Variants in RPL8 observed in about 807,000 individuals in gnomAD.
RPL8 encodes the protein large ribosomal subunit protein uL2.
For synonymous variants in RPL8, 182 were observed against 143.2 expected (o/e 1.27, Z -1.94); for missense variants, 248 against 365.9 (o/e 0.68, Z 2.63).
intron 3 of RPL8, chr8:144,790,857 AT>A (rs1268601267): frequency 1.9e-6 from 1 of 524,434 alleles, no homozygotes; most frequent in African/African-American, 1.9e-5. Flanking sequence ...GGCTGAGTTC[AT>A]CACAAGGATT....
In RPL8 at chr8:144,789,776, AAC is replaced by A. The variant is rs779578520; in HGVS notation, c.*26_*27del. 12 of 1,613,198 alleles carry A rather than the reference AAC, an allele frequency of 7.4e-6. No homozygotes were observed. In the Admixed American group the frequency reaches 2.0e-4, roughly 27 times the overall value. On this transcript the variant is annotated 3_prime_UTR_variant, in exon 5 of 5. Transcript: ENST00000528957. ...GGGGTGGGCACAGCCAGGTGGCATA[AAC>A]ACAAACTTTATTGAGGCCCTCAGCA...
At chr8:144,790,528 C>T in intron 3 of RPL8, 58 bp from the exon 4 acceptor site, 1 of 1,269,002 alleles carries the variant, frequency 7.9e-7, no homozygotes, top group South Asian at 1.2e-5. Flanking sequence ...CCCCACCTCC[C>T]CTCAATCTCC....
rs1406282097 is a variant in RPL8, at chr8:144,790,525, TC to T, written c.500-56del. 1.7e-5 allele frequency: 22 copies of T among 1,296,242 alleles called. No homozygotes were observed. In the African/African-American group the frequency reaches 2.9e-4, roughly 17 times the overall value. The allele number at this position is 1,296,242 out of a possible 1,614,324, so 80.3% of individuals were successfully genotyped here. A position where few individuals can be genotyped will look rare whatever the true frequency, so the allele number is the denominator to read the frequency against. On this transcript the variant is annotated intron_variant, in intron 3 of 4. Coordinates refer to ENST00000528957, the MANE Select transcript of RPL8 (RefSeq NM_001317782.2). ...CCCAGTCGGTCAGAGCACCCCCACCTCCCCTCAATCTCCTGTCATGCACCTT... is the reference window on the plus strand; with the variant it reads ...CCCAGTCGGTCAGAGCACCCCCACCTCCCTCAATCTCCTGTCATGCACCTT...
intron 3 of RPL8, 89 bp downstream of exon 3, chr8:144,791,188 A>G: frequency 7.6e-7 from 1 of 1,316,590 alleles, no homozygotes; most frequent in Non-Finnish European, 1.1e-6. Flanking sequence ...ATCGAATTCC[A>G]GGGACCAAGT....
intron 3 of RPL8, chr8:144,791,028 G>C: frequency 1.8e-6 from 1 of 554,342 alleles, no homozygotes; most frequent in Non-Finnish European, 3.2e-6. Context: ...GCCCACGGTA[G>C]AATCCAAGAC....
chr8:144,790,665 C>T lies in RPL8; in HGVS notation c.500-195G>A, dbSNP rs565126851. 1.4e-5 allele frequency: 10 copies of T among 692,406 alleles called. No individual in the cohort carries two copies. The East Asian group carries it at 2.4e-4, about 17-fold the overall frequency. 42.9% of individuals were successfully genotyped at this position (692,406 alleles called of 1,614,324 possible). A position where few individuals can be genotyped will look rare whatever the true frequency, so the allele number is the denominator to read the frequency against. ...CTTCAATCCACAATGGGCAGGCAAG[C>T]CAAGGCCCTCACCTCCATCACCTAG... On this transcript the variant is annotated intron_variant, in intron 3 of 4. Coordinates refer to ENST00000528957, the MANE Select transcript of RPL8 (RefSeq NM_001317782.2).
intron 2 of RPL8, 23 bp downstream of exon 2, chr8:144,791,750 T>C: frequency 6.2e-7 from 1 of 1,612,714 alleles, no homozygotes; most frequent in Non-Finnish European, 8.5e-7. Flanking sequence ...ACCCCGACCT[T>C]CCTTCCCCGC....
At position 144,792,373 on chromosome 8, in the gene RPL8, C is replaced by T; in HGVS notation, c.-244G>A. On this transcript the variant is annotated 5_prime_UTR_variant, in exon 1 of 5. The change creates a new upstream start codon in the 5' untranslated region. Coordinates refer to ENST00000528957, the MANE Select transcript of RPL8 (RefSeq NM_001317782.2). ...GCCGCAAGGATGACCTACCTGTTCA[C>T]CAGCGCGGCCGAAAGAGGAAACACG... The T allele has an allele frequency of 3.0e-6, 2 of 660,688 alleles. No individual in the cohort carries two copies. The highest frequency in any genetic ancestry group is 4.3e-6 in the Non-Finnish European group (2 of 463,650). The allele number at this position is 660,688 out of a possible 1,614,324, so 40.9% of individuals were successfully genotyped here.
chr8:144,790,965 G>A (rs1166184522), intron 3 of RPL8: 2 of 473,332 alleles, frequency 4.2e-6, no homozygotes, highest in African/African-American at 2.0e-5. Flanking sequence ...ATCTCTCCCT[G>A]CCTTCTCTAA....
At position 144,792,182 on chromosome 8, in the gene RPL8, A is replaced by G; in HGVS notation, c.-53T>C. On this transcript the variant is annotated 5_prime_UTR_variant, in exon 1 of 5. Coordinates refer to ENST00000528957, the MANE Select transcript of RPL8 (RefSeq NM_001317782.2). ...ATTAGCGCGGCCGGGCGGCCCGGGT[A>G]CCCCCGCCAGCCCGGCTTTCCGGGA... 3 of 1,406,456 alleles carry G rather than the reference A, an allele frequency of 2.1e-6. No individual in the cohort carries two copies. Among genetic ancestry groups the G allele is most frequent in the Non-Finnish European group, 2.8e-6 (3 of 1,087,758 alleles). 87.1% of individuals were successfully genotyped at this position (1,406,456 alleles called of 1,614,324 possible).
chr8:144,791,267 T>A lies in RPL8; in HGVS notation c.499+10A>T. On this transcript the variant is annotated intron_variant, in intron 3 of 4. Transcript: ENST00000528957. ...CAGCCCTCAGCATTCAACTGCTGCCTGATACTCACCAACCACAGCTCTGTT... is the reference window on the plus strand; with the variant it reads ...CAGCCCTCAGCATTCAACTGCTGCCAGATACTCACCAACCACAGCTCTGTT... 3.1e-6 allele frequency: 5 copies of A among 1,610,952 alleles called. No homozygotes were observed. In the South Asian group the frequency reaches 5.5e-5, roughly 18 times the overall value.
At chr8:144,791,014 G>C in intron 3 of RPL8, 1 of 537,248 alleles carries the variant, frequency 1.9e-6, no homozygotes, top group Non-Finnish European at 3.4e-6. Context: ...GCAGCAATCA[G>C]GAAGCCCACG....
At chr8:144,790,573 C>G in intron 3 of RPL8, 103 bp from the exon 4 acceptor site, 1 of 921,768 alleles carries the variant, frequency 1.1e-6, no homozygotes, top group Non-Finnish European at 1.8e-6. Flanking sequence ...ATCCAACTAC[C>G]CAGCAAAAAG....
intron 3 of RPL8, chr8:144,790,744 C>T (rs1232088201): frequency 7.7e-6 from 5 of 649,602 alleles, no homozygotes; most frequent in Admixed American, 2.1e-5. Context: ...ATGTGTGAGA[C>T]GTCAGGCCGG....
In RPL8 at chr8:144,791,868, A is replaced by G; in HGVS notation, c.185T>C (p.Val62Ala). 6.2e-7 allele frequency: 1 copy of G among 1,613,716 alleles called. No homozygotes were observed. Among genetic ancestry groups the G allele is most frequent in the Non-Finnish European group, 8.5e-7 (1 of 1,180,026 alleles). Reference sequence around the variant, plus strand: ...CTTAAACCGATACGGATCCCGGAAGACCACCTTGGCGAGGGGCGCGCCGCG... The same window carrying G: ...CTTAAACCGATACGGATCCCGGAAGGCCACCTTGGCGAGGGGCGCGCCGCG... ...PGRGAPLAKV[V>A]FRDPYRFKKR... Residue 62 changes from valine (V) to alanine (A), a missense_variant, in exon 2 of 5, where the codon GTC becomes GCC. Coordinates refer to ENST00000528957, the MANE Select transcript of RPL8 (RefSeq NM_001317782.2).
rs747886991 is a variant in RPL8 at position 144,791,764 on chromosome 8, G to A, written c.280+9C>T. ...CACCCCGACCTTCCTTCCCCGCCGC[G>A]ATGCTAACCCTTCTTGCCGCAATAC... On this transcript the variant is annotated intron_variant, in intron 2 of 4. Coordinates refer to ENST00000528957, the MANE Select transcript of RPL8 (RefSeq NM_001317782.2). 18 of 1,613,104 alleles carry A rather than the reference G, an allele frequency of 1.1e-5. No homozygotes were observed. The East Asian group carries it at 2.9e-4, about 26-fold the overall frequency.
At position 144,792,371 on chromosome 8, in the gene RPL8, C is replaced by A. The variant is rs891986127; in HGVS notation, c.-242G>T. ...AGGCCGCAAGGATGACCTACCTGTTCACCAGCGCGGCCGAAAGAGGAAACA... is the reference window on the plus strand; with the variant it reads ...AGGCCGCAAGGATGACCTACCTGTTAACCAGCGCGGCCGAAAGAGGAAACA... On this transcript the variant is annotated 5_prime_UTR_variant, in exon 1 of 5. Transcript: ENST00000528957. 7.5e-6 allele frequency: 5 copies of A among 665,914 alleles called. No individual in the cohort carries two copies. Among genetic ancestry groups the A allele is most frequent in the Non-Finnish European group, 1.1e-5 (5 of 467,278 alleles). 41.3% of individuals were successfully genotyped at this position (665,914 alleles called of 1,614,324 possible). A position where few individuals can be genotyped will look rare whatever the true frequency, so the allele number is the denominator to read the frequency against.
intron 4 of RPL8, 115 bp downstream of exon 4, chr8:144,790,240 G>GCTC: frequency 3.3e-6 from 3 of 895,760 alleles, no homozygotes; most frequent in Non-Finnish European, 5.3e-6. Context: ...ACCACCTGCT[G>GCTC]CTCCTCCCAC....
At chr8:144,791,205 A>T in intron 3 of RPL8, 72 bp downstream of exon 3, 2 of 1,456,032 alleles carry the variant, frequency 1.4e-6, no homozygotes, top group Non-Finnish European at 1.9e-6. Context: ...AAGTCTAGCC[A>T]CTGGCTGTCC....
Sources: allele counts gnomAD v4.1 joint callset, GRCh38; gene constraint gnomAD v4.1.1; transcripts MANE v1.5; gene names NCBI Gene and HGNC (gene_info 2026-07-23, HGNC 2026-07-21).